Variants in SMYD3 observed in about 807,000 individuals in gnomAD.
The protein encoded by SMYD3 is histone-lysine N-methyltransferase SMYD3.
Under a neutral mutation model 57.7 loss-of-function variants are expected in SMYD3, and 36 were observed. The observed-to-expected ratio is 0.62, with a 90% CI of 0.48 to 0.82. SMYD3 has a LOEUF of 0.82. SMYD3 is among the 40% of genes least tolerant of loss of function. The pLI, the probability that SMYD3 is intolerant of heterozygous loss-of-function variation, is 0.00. For synonymous variants in SMYD3, 211 were observed against 195.0 expected (o/e 1.08, Z -0.68); for missense variants, 515 against 538.8 (o/e 0.96, Z 0.44).
At chr1:245,807,938 G>A (rs1034525540) in intron 10 of SMYD3, among the ~76,000 whole-genome samples, 8 of 151,990 alleles carry the variant, frequency 5.3e-5, no homozygotes, top group African/African-American at 1.5e-4. Flanking sequence ...TTTAATAGTC[G>A]TTATGATTCC....
chr1:246,158,439 A>G (rs1016823036), intron 5 of SMYD3, among the ~76,000 whole-genome samples: 6 of 152,178 alleles, frequency 3.9e-5, no homozygotes, highest in Non-Finnish European at 2.9e-5. Context: ...TTTACTACAC[A>G]TTTCAACTTT....
rs563890422 is a variant in SMYD3 at position 246,131,976 on chromosome 1, T to G, written c.531+195225A>C. 3.3e-5 allele frequency among the ~76,000 whole-genome samples: 5 copies of G among 152,148 alleles called. No homozygotes were observed. In the South Asian group the frequency reaches 1.0e-3, roughly 31 times the overall value. The stretch of plus-strand genomic sequence containing the variant: ...AAGAAGCACAGGGGAATGATATCAG[T>G]TATGTTTGCAACACACCCAAACAGT... On this transcript the variant is annotated intron_variant, in intron 5 of 11. Transcript: ENST00000490107.
chr1:246,199,286 C>T (rs75774904), intron 5 of SMYD3, among the ~76,000 whole-genome samples: 3,625 of 152,250 alleles, frequency 0.024, 146 homozygotes, highest in African/African-American at 0.082. Context: ...AGATCACGTG[C>T]CCTCTGTGAA....
intron 5 of SMYD3, among the ~76,000 whole-genome samples, chr1:245,936,270 C>A (rs2056973924): frequency 6.6e-6 from 1 of 152,108 alleles, no homozygotes; most frequent in Non-Finnish European, 1.5e-5. Flanking sequence ...TATATCATGA[C>A]TTACCAGGTT....
intron 5 of SMYD3, among the ~76,000 whole-genome samples, chr1:246,142,845 C>A (rs140547028): frequency 1.6e-3 from 238 of 152,282 alleles, no homozygotes; most frequent in African/African-American, 5.0e-3. Flanking sequence ...TTGGCCAGAA[C>A]ATCATGAAGC....
intron 10 of SMYD3, among the ~76,000 whole-genome samples, chr1:245,855,590 C>T (rs1019638343): frequency 6.6e-6 from 1 of 152,040 alleles, no homozygotes; most frequent in Non-Finnish European, 1.5e-5. Context: ...ATATATATGC[C>T]GATACTATCA....
At chr1:246,214,588 A>G (rs1224609043) in intron 5 of SMYD3, among the ~76,000 whole-genome samples, 2 of 152,198 alleles carry the variant, frequency 1.3e-5, no homozygotes, top group South Asian at 2.1e-4. Flanking sequence ...TAAATACATA[A>G]TAAGTATGCC....
At chr1:246,100,544 C>A (rs1389924072) in intron 5 of SMYD3, among the ~76,000 whole-genome samples, 1 of 152,280 alleles carries the variant, frequency 6.6e-6, no homozygotes, top group East Asian at 1.9e-4. Flanking sequence ...TGCTTGCTGA[C>A]GCTCAGGACT....
At chr1:246,465,789 T>C (rs549550537) in intron 1 of SMYD3, among the ~76,000 whole-genome samples, 5 of 152,380 alleles carry the variant, frequency 3.3e-5, no homozygotes, top group Admixed American at 2.6e-4. Flanking sequence ...TTTCATTTTT[T>C]TGAAACAGAG....
At chr1:245,956,353 G>A (rs1450222388) in intron 5 of SMYD3, among the ~76,000 whole-genome samples, 1 of 152,200 alleles carries the variant, frequency 6.6e-6, no homozygotes, top group Non-Finnish European at 1.5e-5. Context: ...CATCCATAGA[G>A]GCCAGCACAT....
chr1:246,058,307 C>G (rs1236424557), intron 5 of SMYD3, among the ~76,000 whole-genome samples: 2 of 152,060 alleles, frequency 1.3e-5, no homozygotes, highest in Non-Finnish European at 2.9e-5. Flanking sequence ...ATGAGGGAGG[C>G]TGTGTGTTTT....
chr1:246,206,777 C>T (rs2063006910), intron 5 of SMYD3, among the ~76,000 whole-genome samples: 1 of 152,112 alleles, frequency 6.6e-6, no homozygotes, highest in Non-Finnish European at 1.5e-5. Flanking sequence ...TTTAATAAAG[C>T]TCTGAAAAAG....
chr1:246,038,149 T>A (rs2059809129), intron 5 of SMYD3, among the ~76,000 whole-genome samples: 1 of 152,212 alleles, frequency 6.6e-6, no homozygotes, highest in African/African-American at 2.4e-5. Context: ...CTGCAACTAT[T>A]TTTCTCCCAG....
At chr1:246,238,746 T>C (rs1174670738) in intron 5 of SMYD3, among the ~76,000 whole-genome samples, 3 of 152,190 alleles carry the variant, frequency 2.0e-5, no homozygotes, top group Admixed American at 6.5e-5. Flanking sequence ...TCCTTACATA[T>C]ATTATTTCAT....
At chr1:245,857,067 C>T (rs1393920892) in intron 10 of SMYD3, among the ~76,000 whole-genome samples, 2 of 152,178 alleles carry the variant, frequency 1.3e-5, no homozygotes, top group Non-Finnish European at 2.9e-5. Context: ...TTTCACTGCT[C>T]ATGGGAAAGT....
intron 1 of SMYD3, among the ~76,000 whole-genome samples, chr1:246,446,872 A>G (rs2067557448): frequency 6.6e-6 from 1 of 152,128 alleles, no homozygotes; most frequent in South Asian, 2.1e-4. Flanking sequence ...TACTAAAGAT[A>G]CAAAAAATTA....
At chr1:246,430,593 G>A (rs2067282086) in intron 1 of SMYD3, among the ~76,000 whole-genome samples, 1 of 152,158 alleles carries the variant, frequency 6.6e-6, no homozygotes, top group Non-Finnish European at 1.5e-5. Context: ...CGAGTTGTTT[G>A]CAGACACTGG....
chr1:245,818,645 A>G (rs1380734914), intron 10 of SMYD3, among the ~76,000 whole-genome samples: 1 of 151,898 alleles, frequency 6.6e-6, no homozygotes, highest in African/African-American at 2.4e-5. Flanking sequence ...GTATTCAGGA[A>G]ACCCATCTCA....
At chr1:245,971,625 G>A (rs546206870) in intron 5 of SMYD3, among the ~76,000 whole-genome samples, 3 of 152,250 alleles carry the variant, frequency 2.0e-5, no homozygotes, top group Admixed American at 6.5e-5. Context: ...CCCCACTAAC[G>A]GGGATGTCCC....
Sources: gnomAD v4.1 joint callset for allele counts (sites outside exome capture counted in the v4.1 genomes callset) on GRCh38, gnomAD v4.1.1 for gene constraint, MANE v1.5 for transcripts, NCBI Gene and HGNC (gene_info 2026-07-23, HGNC 2026-07-21) for gene names.